CKAP5: variants seen among roughly 807,000 people sequenced by gnomAD.
The protein encoded by CKAP5 is cytoskeleton-associated protein 5.
A neutral mutation model predicts 232.8 loss-of-function variants in CKAP5; 27 were observed. The observed-to-expected ratio is 0.12, with a 90% CI of 0.09 to 0.16. The LOEUF (loss-of-function observed/expected upper bound fraction) is 0.16. Ranked by LOEUF, CKAP5 falls within the 10% of genes least tolerant of loss-of-function variation. The pLI is 1.00. For synonymous variants in CKAP5, 785 were observed against 841.1 expected, an observed-to-expected ratio of 0.93 and a Z score of 1.16; for missense variants, 1,838 against 2,424.7, an observed-to-expected ratio of 0.76 and a Z score of 5.08.
At chr11:46,819,415 G>A (rs976254240) in intron 2 of CKAP5, among the ~76,000 whole-genome samples, 2 of 152,154 alleles carry the variant, frequency 1.3e-5, no homozygotes, top group African/African-American at 2.4e-5. Context: ...GAAGGCCAAA[G>A]AAAAGATTCC....
chr11:46,834,519 CA>C (rs35792132), intron 1 of CKAP5, among the ~76,000 whole-genome samples: 12,187 of 53,768 alleles, frequency 0.23, 623 homozygotes, highest in East Asian at 0.54. Flanking sequence ...AACTCCATCT[CA>C]AAAAAAAAAA....
At chr11:46,841,106 T>A (rs1040514790) in intron 1 of CKAP5, among the ~76,000 whole-genome samples, 19 of 152,028 alleles carry the variant, frequency 1.2e-4, no homozygotes, top group African/African-American at 4.3e-4. Flanking sequence ...CCGTCTCTAC[T>A]AAAAATACAA....
rs376527732 is a variant in CKAP5 at position 46,797,465 on chromosome 11, TC to T, written c.1338+339del. 2.0e-3 allele frequency among the ~76,000 whole-genome samples: 300 copies of T among 152,346 alleles called. 2 individuals are homozygous for T. The highest frequency in any genetic ancestry group is 4.9e-3 in the African/African-American group (205 of 41,576). On this transcript the variant is annotated intron_variant, in intron 11 of 43. Transcript: ENST00000529230. ...CATTTAGCAAATAAGTATTTCCTTT[TC>T]CTCTTACCCTCTATCTAAAATAACT...
intron 42 of CKAP5, among the ~76,000 whole-genome samples, chr11:46,747,562 A>G (rs1264536170): frequency 1.3e-5 from 2 of 151,610 alleles, no homozygotes; most frequent in Admixed American, 1.3e-4. Context: ...AGATCGTGCC[A>G]TAGCACTCCA....
chr11:46,809,826 T>C lies in CKAP5; in HGVS notation c.679A>G (p.Arg227Gly). Residue 227 changes from arginine (R) to glycine (G), a missense_variant, in exon 6 of 44, where the codon AGA becomes GGA. This residue lies in a region of CKAP5 where 285 missense variants were observed against 300.0 expected (regional missense o/e 0.95). Transcript: ENST00000529230. ...TGGGAACGAAGAAATCGAGTAGGTCTAGGAGCACTTGTTGGCAGTTTGACC... is the reference window on the plus strand; with the variant it reads ...TGGGAACGAAGAAATCGAGTAGGTCCAGGAGCACTTGTTGGCAGTTTGACC... The part of the protein sequence containing the change: ...EWVKLPTSAP[R>G]PTRFLRSQQE... 1 of 1,613,724 alleles carries C rather than the reference T, an allele frequency of 6.2e-7. No individual in the cohort carries two copies. Among genetic ancestry groups the C allele is most frequent in the Non-Finnish European group, 8.5e-7 (1 of 1,179,870 alleles).
At chr11:46,831,241 AT>A (rs925020687) in intron 1 of CKAP5, among the ~76,000 whole-genome samples, 3 of 152,080 alleles carry the variant, frequency 2.0e-5, no homozygotes, top group South Asian at 2.1e-4. Context: ...ATATTATTAA[AT>A]TTTTTTCATT....
chr11:46,772,643 G>A (rs568456212), intron 24 of CKAP5, among the ~76,000 whole-genome samples: 3 of 152,088 alleles, frequency 2.0e-5, no homozygotes, highest in East Asian at 1.9e-4. Flanking sequence ...AATGATCTAC[G>A]TGTCTATCTC....
intron 24 of CKAP5, among the ~76,000 whole-genome samples, chr11:46,773,032 G>A (rs1215275517): frequency 2.0e-5 from 3 of 152,074 alleles, no homozygotes; most frequent in African/African-American, 7.2e-5. Context: ...GTGAGCCACC[G>A]CGCCTGGCCC....
chr11:46,780,305 A>G lies in CKAP5; in HGVS notation c.2322T>C (p.Ala774=). Residue 774 remains alanine (A), a synonymous_variant, in exon 20 of 44, where the codon GCT becomes GCC. Coordinates refer to ENST00000529230, the MANE Select transcript of CKAP5 (RefSeq NM_001008938.4). Reference sequence around the variant, plus strand: ...ACATCACGCCAAGCAGGGTTATGGCAGCAGTCCTCACAGCCTGCCAGACAG... The same window carrying G: ...ACATCACGCCAAGCAGGGTTATGGCGGCAGTCCTCACAGCCTGCCAGACAG... ...LAATNPAVRT[A]AITLLGVMYL... The G allele has an allele frequency of 1.9e-6, 3 of 1,614,130 alleles. No homozygotes were observed. Among genetic ancestry groups the G allele is most frequent in the Non-Finnish European group, 1.7e-6 (2 of 1,180,000 alleles).
intron 25 of CKAP5, 89 bp downstream of exon 25, chr11:46,770,699 G>C (rs1276159906): frequency 4.1e-6 from 5 of 1,230,906 alleles, no homozygotes; most frequent in Non-Finnish European, 5.7e-6. Context: ...AAAGTGTTGG[G>C]ATTACAGGCG....
At chr11:46,810,870 G>GC (rs1939259206) in intron 5 of CKAP5, 137 bp downstream of exon 5, 1 of 731,970 alleles carries the variant, frequency 1.4e-6, no homozygotes, top group South Asian at 2.4e-5. Context: ...GAGAAAGTTA[G>GC]CTATGCTCAG....
In CKAP5 at chr11:46,752,626, C is replaced by A. The variant is rs779395715; in HGVS notation, c.5133+9G>T. 5 of 1,604,842 alleles carry A rather than the reference C, an allele frequency of 3.1e-6. No homozygotes were observed. Among genetic ancestry groups the A allele is most frequent in the Non-Finnish European group, 4.3e-6 (5 of 1,172,948 alleles). On this transcript the variant is annotated intron_variant, in intron 38 of 43. Transcript: ENST00000529230. ...TGAAAGAAAAGAGATCAAATCATTT[C>A]AACTTCACCTTCATAACAAGCTCTG...
intron 1 of CKAP5, among the ~76,000 whole-genome samples, chr11:46,841,719 G>A (rs1940058296): frequency 6.6e-6 from 1 of 152,142 alleles, no homozygotes; most frequent in Non-Finnish European, 1.5e-5. Context: ...GTGATATGCT[G>A]GCTCGGCACG....
chr11:46,780,005 T>C (rs1033100838), intron 20 of CKAP5, among the ~76,000 whole-genome samples, 189 bp downstream of exon 20: 9 of 152,124 alleles, frequency 5.9e-5, no homozygotes, highest in Admixed American at 3.3e-4. Flanking sequence ...ACAATACTAA[T>C]GCTGAACTTA....
At chr11:46,799,362 G>A (rs951416447) in intron 9 of CKAP5, among the ~76,000 whole-genome samples, 2 of 152,156 alleles carry the variant, frequency 1.3e-5, no homozygotes, top group African/African-American at 4.8e-5. Flanking sequence ...AGTGGTTATA[G>A]ACTACTTGGT....
rs756552722 is a variant in CKAP5 at position 46,816,424 on chromosome 11, AC to A, written c.252-21del. 7.5e-6 allele frequency: 12 copies of A among 1,603,670 alleles called. No homozygotes were observed. Among genetic ancestry groups the A allele is most frequent in the East Asian group, 2.2e-5 (1 of 44,832 alleles). ...GTGGTTCTGTAACATATTATAAAGA[AC>A]AAAAATCCCACTTAAGTAGTAAGAA... On this transcript the variant is annotated intron_variant, in intron 3 of 43. Transcript: ENST00000529230.
chr11:46,818,280 T>C (rs371407964), intron 3 of CKAP5, 30 bp downstream of exon 3: 122 of 1,519,634 alleles, frequency 8.0e-5, no homozygotes, highest in Non-Finnish European at 1.1e-4. Flanking sequence ...CAGGGGTTTT[T>C]ATCAGTAAAG....
intron 13 of CKAP5, among the ~76,000 whole-genome samples, chr11:46,791,444 T>A (rs757263164): frequency 6.6e-6 from 1 of 151,958 alleles, no homozygotes; most frequent in Non-Finnish European, 1.5e-5. Flanking sequence ...TCTGGGAGGC[T>A]AAGGATCCCT....
At chr11:46,811,211 C>A (rs369955195) in intron 4 of CKAP5, 33 bp from the exon 5 acceptor site, 1 of 1,548,478 alleles carries the variant, frequency 6.5e-7, no homozygotes, top group South Asian at 1.1e-5. Flanking sequence ...AAACTGTCAA[C>A]GTGCAATGCA....
Sources: allele counts gnomAD v4.1 joint callset (sites outside exome capture counted in the v4.1 genomes callset), GRCh38; gene constraint gnomAD v4.1.1; regional missense constraint gnomAD v4.1.1; transcripts MANE v1.5; gene names NCBI Gene and HGNC (gene_info 2026-07-23, HGNC 2026-07-21).